The following CYFIP1 variants were observed in gnomAD, a reference collection of about 807,000 sequenced individuals.
CYFIP1 encodes the protein cytoplasmic FMR1-interacting protein 1.
In CYFIP1, 58 loss-of-function variants were observed where a neutral mutation model predicts 163.5. The observed-to-expected ratio is 0.35, with a 90% CI of 0.29 to 0.44. The LOEUF (loss-of-function observed/expected upper bound fraction) is 0.44. Among genes scored for constraint, CYFIP1 ranks in the 20% least tolerant of loss-of-function variants. The probability of loss-of-function intolerance (pLI) is 1.00; values close to 1 mark genes in which losing one functional copy is unlikely to be tolerated. For synonymous variants in CYFIP1, 663 were observed against 660.7 expected (o/e 1.00, Z -0.05); for missense variants, 1,338 against 1,653.8 (o/e 0.81, Z 3.31).
intron 23 of CYFIP1, 56 bp downstream of exon 23, chr15:22,892,834 C>G (rs941645946): frequency 1.3e-5 from 18 of 1,347,612 alleles, no homozygotes; most frequent in Non-Finnish European, 1.9e-5. Context: ...AACTACACTT[C>G]AAAACATGCT....
intron 1 of CYFIP1, among the ~76,000 whole-genome samples, chr15:22,953,385 C>A (rs528924798): frequency 6.6e-6 from 1 of 152,326 alleles, no homozygotes; most frequent in African/African-American, 2.4e-5. Flanking sequence ...CCAGCGGACC[C>A]TGCACCCCAC....
At chr15:22,971,127 CAACGCCTA>C (rs1287400260) in intron 1 of CYFIP1, among the ~76,000 whole-genome samples, 4 of 152,152 alleles carry the variant, frequency 2.6e-5, no homozygotes, top group Non-Finnish European at 1.5e-5. Context: ...CAAAACAGAT[CAACGCCTA>C]AACATCGGAT....
chr15:22,921,618 C>G (rs2061180165), intron 13 of CYFIP1, among the ~76,000 whole-genome samples: 1 of 151,630 alleles, frequency 6.6e-6, no homozygotes, highest in Non-Finnish European at 1.5e-5. Flanking sequence ...GAGTTCAAGA[C>G]CAGCCAGGCC....
chr15:22,903,489 A>G (rs1204645111), intron 22 of CYFIP1, among the ~76,000 whole-genome samples: 2 of 152,190 alleles, frequency 1.3e-5, no homozygotes, highest in African/African-American at 4.8e-5. Flanking sequence ...GCCCCACGCA[A>G]GCCCCACGTG....
intron 1 of CYFIP1, among the ~76,000 whole-genome samples, chr15:22,953,149 G>A (rs2062316613): frequency 6.6e-6 from 1 of 152,234 alleles, no homozygotes; most frequent in Non-Finnish European, 1.5e-5. Flanking sequence ...CGGACTTGGA[G>A]TAATCAGCTC....
chr15:22,957,356 G>A (rs1480181730), intron 1 of CYFIP1, among the ~76,000 whole-genome samples: 1 of 152,096 alleles, frequency 6.6e-6, no homozygotes, highest in Admixed American at 6.5e-5. Context: ...CAAAAAATTG[G>A]CCGGGCGCAG....
At position 22,911,753 on chromosome 15, in the gene CYFIP1, G is replaced by A. The variant is rs2060794803; in HGVS notation, c.2082+426C>T. Among the ~76,000 whole-genome samples, 5 of 152,114 alleles carry A rather than the reference G, an allele frequency of 3.3e-5. No homozygotes were observed. The South Asian group carries it at 1.0e-3, about 32-fold the overall frequency. ...CAGAGGAGATGATGTGTAGAATAAG[G>A]TTCATCTCCTTAAATGTGCATACAC... On this transcript the variant is annotated intron_variant, in intron 18 of 30. Transcript: ENST00000617928.
At chr15:22,906,888 A>G (rs933218095) in intron 21 of CYFIP1, among the ~76,000 whole-genome samples, 1 of 151,910 alleles carries the variant, frequency 6.6e-6, no homozygotes, top group African/African-American at 2.4e-5. Context: ...GTGCACTTAC[A>G]TTTTCTTTTT....
intron 1 of CYFIP1, among the ~76,000 whole-genome samples, chr15:22,969,791 G>A (rs79779775): frequency 0.018 from 2,780 of 152,108 alleles, 72 homozygotes; most frequent in East Asian, 0.11. Context: ...ATACAAGTAC[G>A]GTGAAACTAA....
At chr15:22,951,443 C>A in intron 1 of CYFIP1, 1 of 1,289,560 alleles carries the variant, frequency 7.8e-7, no homozygotes, top group Non-Finnish European at 1.0e-6. Context: ...GGGGCCTGCC[C>A]TTGGTGTCCA....
At chr15:22,964,322 G>C (rs1416392083) in intron 1 of CYFIP1, among the ~76,000 whole-genome samples, 3 of 50,492 alleles carry the variant, frequency 5.9e-5, no homozygotes, top group Non-Finnish European at 7.7e-5. Flanking sequence ...ACAACTGGCG[G>C]CCCCACCAGC....
At position 22,909,123 on chromosome 15, in the gene CYFIP1, T is replaced by C. The variant is rs1345017609; in HGVS notation, c.2388+71A>G. 6 of 1,592,620 alleles carry C rather than the reference T, an allele frequency of 3.8e-6. No homozygotes were observed. The African/African-American group carries it at 8.1e-5, about 21-fold the overall frequency. On this transcript the variant is annotated intron_variant, in intron 21 of 30. Coordinates refer to ENST00000617928, the MANE Select transcript of CYFIP1 (RefSeq NM_014608.6). ...GGCCACGCCCGATGAGTGCATCTCT[T>C]TTATCATCTATACAAGAACTGGACC...
At position 22,867,366 on chromosome 15, in the gene CYFIP1, T is replaced by TGAAG. The variant is rs1430800928; in HGVS notation, c.*2658_*2661dup. The TGAAG allele has an allele frequency of 1.5e-5, 6 of 393,258 alleles. No homozygotes were observed. Among genetic ancestry groups the TGAAG allele is most frequent in the African/African-American group, 2.1e-5 (1 of 48,520 alleles). The allele number at this position is 393,258 out of a possible 1,614,324, so 24.4% of individuals were successfully genotyped here. ...ATTAAGGGAAAACTAAGTTACTGAA[T>TGAAG]GAAGGAACCTCTTTCTTACAAAACA... On this transcript the variant is annotated 3_prime_UTR_variant, in exon 31 of 31. Transcript: ENST00000617928.
At chr15:22,930,995 CA>C (rs1443398925) in intron 11 of CYFIP1, among the ~76,000 whole-genome samples, 1 of 152,182 alleles carries the variant, frequency 6.6e-6, no homozygotes, top group Non-Finnish European at 1.5e-5. Flanking sequence ...CTGACATGCC[CA>C]AACGCTTGCC....
At chr15:22,937,078 C>T (rs748506303) in intron 9 of CYFIP1, 26 bp downstream of exon 9, 30 of 1,447,722 alleles carry the variant, frequency 2.1e-5, no homozygotes, top group East Asian at 2.0e-4. Context: ...TCAATAAAAA[C>T]ATTGATCTAA....
chr15:22,946,744 A>G (rs2062074542), intron 3 of CYFIP1: 1 of 641,610 alleles, frequency 1.6e-6, no homozygotes, highest in African/African-American at 1.8e-5. Context: ...AGAGGGAATG[A>G]GCATTAACAG....
chr15:22,963,860 T>C (rs932079918), intron 1 of CYFIP1, among the ~76,000 whole-genome samples: 4 of 152,232 alleles, frequency 2.6e-5, no homozygotes, highest in African/African-American at 9.6e-5. Context: ...CATGCCTTCA[T>C]GAGGACGGCT....
At chr15:22,953,357 CTCCG>C (rs10539637) in intron 1 of CYFIP1, among the ~76,000 whole-genome samples, 36,628 of 151,964 alleles carry the variant, frequency 0.24, 4,983 homozygotes, top group African/African-American at 0.35. Flanking sequence ...ATTTACTTTG[CTCCG>C]TCTCTAACTG....
In CYFIP1 at chr15:22,867,343, T is replaced by TAA. The variant is rs1006044245; in HGVS notation, c.*2683_*2684dup. On this transcript the variant is annotated 3_prime_UTR_variant, in exon 31 of 31. Coordinates refer to ENST00000617928, the MANE Select transcript of CYFIP1 (RefSeq NM_014608.6). ...TTGGTTTTATTTTTGAAATATTTATTAAGGGAAAACTAAGTTACTGAATGA... is the reference window on the plus strand; with the variant it reads ...TTGGTTTTATTTTTGAAATATTTATTAAAAGGGAAAACTAAGTTACTGAATGA... 2.5e-6 allele frequency: 1 copy of TAA among 395,990 alleles called. No homozygotes were observed. The highest frequency in any genetic ancestry group is 3.6e-5 in the East Asian group (1 of 27,886). 24.5% of individuals were successfully genotyped at this position (395,990 alleles called of 1,614,324 possible).
Sources: allele counts gnomAD v4.1 joint callset (sites outside exome capture counted in the v4.1 genomes callset), GRCh38; gene constraint gnomAD v4.1.1; transcripts MANE v1.5; gene names NCBI Gene and HGNC (gene_info 2026-07-23, HGNC 2026-07-21).